TSPAN5: variants seen among roughly 807,000 people sequenced by gnomAD.
TSPAN5 encodes the protein tetraspanin 5, also known as tetraspanin-5.
TSPAN5 carries 10 observed loss-of-function variants against 37.1 expected under a neutral mutation model. The observed-to-expected ratio is 0.27, with a 90% CI of 0.17 to 0.46. The LOEUF (loss-of-function observed/expected upper bound fraction) is 0.46, where lower values mean the gene tolerates loss of function less well. Among genes scored for constraint, TSPAN5 ranks in the 20% least tolerant of loss-of-function variants. The probability of loss-of-function intolerance (pLI) is 1.00; values close to 1 mark genes in which losing one functional copy is unlikely to be tolerated. For missense variants in TSPAN5, 195 were observed against 326.6 expected, an observed-to-expected ratio of 0.60 and a Z score of 3.11; for synonymous variants, 110 against 118.9, an observed-to-expected ratio of 0.93 and a Z score of 0.48.
At chr4:98,561,647 G>T (rs1214402509) in intron 1 of TSPAN5, among the ~76,000 whole-genome samples, 2 of 152,220 alleles carry the variant, frequency 1.3e-5, no homozygotes, top group Non-Finnish European at 2.9e-5. Context: ...AAGCGTATAA[G>T]CAAAGAAAGG....
chr4:98,652,713 T>A (rs1198322757), intron 1 of TSPAN5, among the ~76,000 whole-genome samples: 1 of 152,218 alleles, frequency 6.6e-6, no homozygotes, highest in Non-Finnish European at 1.5e-5. Context: ...GGAAGACTCT[T>A]TGGGGTGCTT....
At chr4:98,515,763 GA>G (rs10714942) in intron 1 of TSPAN5, among the ~76,000 whole-genome samples, 117,951 of 151,934 alleles carry the variant, frequency 0.78, 46,573 homozygotes, top group African/African-American at 0.93. Flanking sequence ...GTCATTCCAG[GA>G]AAAAATGTAT....
chr4:98,571,003 C>A (rs910377456), intron 1 of TSPAN5, among the ~76,000 whole-genome samples: 2 of 150,240 alleles, frequency 1.3e-5, no homozygotes, highest in Non-Finnish European at 1.5e-5. Context: ...CAGAGCAAGA[C>A]TCTATCTCAA....
At position 98,497,910 on chromosome 4, in the gene TSPAN5, G is replaced by A. The variant is rs186239936; in HGVS notation, c.132+9768C>T. On this transcript the variant is annotated intron_variant, in intron 2 of 7. Coordinates refer to ENST00000305798, the MANE Select transcript of TSPAN5 (RefSeq NM_005723.4). Reference sequence around the variant, plus strand: ...CCAGTGGGGCCTCTATGTGACAAGCGGTGAGAAGAGATGAAGAGGCTGGTT... The same window carrying A: ...CCAGTGGGGCCTCTATGTGACAAGCAGTGAGAAGAGATGAAGAGGCTGGTT... Among the ~76,000 whole-genome samples, 128 of 152,224 alleles carry A rather than the reference G, an allele frequency of 8.4e-4. 1 individual carries two copies. The highest frequency in any genetic ancestry group is 7.9e-3 in the Admixed American group (121 of 15,294).
intron 1 of TSPAN5, among the ~76,000 whole-genome samples, chr4:98,576,907 C>G (rs965484586): frequency 1.3e-5 from 2 of 152,142 alleles, no homozygotes; most frequent in Middle Eastern, 3.4e-3. Context: ...CTACAGGTAC[C>G]CGCCACCACA....
chr4:98,476,618 T>G (rs184419985), intron 5 of TSPAN5, among the ~76,000 whole-genome samples, 158 bp from the exon 6 acceptor site: 1 of 152,330 alleles, frequency 6.6e-6, no homozygotes, highest in African/African-American at 2.4e-5. Context: ...CATGATCCCA[T>G]GTCATTATTG....
At chr4:98,585,963 G>T (rs1318327566) in intron 1 of TSPAN5, among the ~76,000 whole-genome samples, 1 of 152,180 alleles carries the variant, frequency 6.6e-6, no homozygotes, top group East Asian at 1.9e-4. Context: ...TAACTAAATC[G>T]TATTTTTAAA....
chr4:98,493,927 G>C (rs948037467), intron 2 of TSPAN5, among the ~76,000 whole-genome samples: 2 of 152,150 alleles, frequency 1.3e-5, no homozygotes, highest in African/African-American at 4.8e-5. Flanking sequence ...TTAGCTTTTG[G>C]ACAACTAACT....
intron 7 of TSPAN5, among the ~76,000 whole-genome samples, chr4:98,475,017 C>A (rs368311890): frequency 2.6e-5 from 4 of 152,166 alleles, no homozygotes; most frequent in African/African-American, 9.7e-5. Context: ...TATTCCACTT[C>A]TCTATATGGC....
intron 1 of TSPAN5, among the ~76,000 whole-genome samples, chr4:98,508,393 T>C (rs1295994938): frequency 6.6e-6 from 1 of 152,140 alleles, no homozygotes; most frequent in Non-Finnish European, 1.5e-5. Context: ...CATTCAGCCC[T>C]AAGGCAGAGG....
At chr4:98,541,468 A>G (rs1754354164) in intron 1 of TSPAN5, among the ~76,000 whole-genome samples, 8 of 152,120 alleles carry the variant, frequency 5.3e-5, no homozygotes, top group African/African-American at 1.4e-4. Flanking sequence ...TGAGGCCAGG[A>G]GATCGAGACT....
chr4:98,568,643 A>G (rs908791678), intron 1 of TSPAN5, among the ~76,000 whole-genome samples: 3 of 152,168 alleles, frequency 2.0e-5, no homozygotes, highest in African/African-American at 7.2e-5. Flanking sequence ...ACTCCCACCA[A>G]TAACAGTTAG....
intron 1 of TSPAN5, among the ~76,000 whole-genome samples, chr4:98,598,716 C>T (rs1474649869): frequency 6.6e-6 from 1 of 152,168 alleles, no homozygotes; most frequent in African/African-American, 2.4e-5. Context: ...TCCACCTCAG[C>T]CTCAATCTCC....
chr4:98,585,238 A>T (rs1755460431), intron 1 of TSPAN5, among the ~76,000 whole-genome samples: 1 of 152,236 alleles, frequency 6.6e-6, no homozygotes. Flanking sequence ...CGAATGGTGA[A>T]CACTGTAACA....
At chr4:98,504,300 AG>A (rs1251465657) in intron 2 of TSPAN5, among the ~76,000 whole-genome samples, 1 of 152,182 alleles carries the variant, frequency 6.6e-6, no homozygotes, top group East Asian at 1.9e-4. Context: ...TCAGCTCAGC[AG>A]GTGCAGTGTT....
chr4:98,608,088 T>G (rs184639615), intron 1 of TSPAN5, among the ~76,000 whole-genome samples: 53 of 152,304 alleles, frequency 3.5e-4, no homozygotes, highest in African/African-American at 1.2e-3. Context: ...AGTTTAATGT[T>G]AGAACCCTAT....
At position 98,478,814 on chromosome 4, in the gene TSPAN5, G is replaced by C. The variant is rs770443361; in HGVS notation, c.451-4C>G. 6.2e-7 allele frequency: 1 copy of C among 1,613,314 alleles called. No homozygotes were observed. Among genetic ancestry groups the C allele is most frequent in the Non-Finnish European group, 8.5e-7 (1 of 1,179,954 alleles). On this transcript the variant is annotated splice_polypyrimidine_tract_variant and splice_region_variant and intron_variant, in intron 4 of 7. Coordinates refer to ENST00000305798, the MANE Select transcript of TSPAN5 (RefSeq NM_005723.4). Reference sequence around the variant, plus strand: ...CAAAAGCCCCACAGCACTGCCACTAGAGCAAACAGGAAAGAATTAGAACAT... The same window carrying C: ...CAAAAGCCCCACAGCACTGCCACTACAGCAAACAGGAAAGAATTAGAACAT...
chr4:98,619,021 G>A (rs1009646563), intron 1 of TSPAN5, among the ~76,000 whole-genome samples: 2 of 152,066 alleles, frequency 1.3e-5, no homozygotes, highest in African/African-American at 4.8e-5. Context: ...ATTCTACAGA[G>A]AGTATTAAAT....
At chr4:98,605,194 C>A (rs973300370) in intron 1 of TSPAN5, among the ~76,000 whole-genome samples, 1 of 152,160 alleles carries the variant, frequency 6.6e-6, no homozygotes, top group Non-Finnish European at 1.5e-5. Context: ...TGGTGACCTA[C>A]TGACATCATC....
Sources: gnomAD v4.1 joint callset for allele counts (sites outside exome capture counted in the v4.1 genomes callset) on GRCh38, gnomAD v4.1.1 for gene constraint, MANE v1.5 for transcripts, NCBI Gene and HGNC (gene_info 2026-07-23, HGNC 2026-07-21) for gene names.